The following EPM2A variants were observed in gnomAD, a reference collection of about 807,000 sequenced individuals.
EPM2A encodes the protein EPM2A glucan phosphatase, laforin, also known as laforin.
Under a neutral mutation model 26.5 loss-of-function variants are expected in EPM2A, and 21 were observed. The observed-to-expected ratio is 0.79, with a 90% CI of 0.56 to 1.14. The LOEUF is 1.14. EPM2A is among the 50% of genes most tolerant of loss of function. The probability of loss-of-function intolerance (pLI) is 0.00; values close to 1 mark genes in which losing one functional copy is unlikely to be tolerated. For synonymous variants in EPM2A, 217 were observed against 177.6 expected (o/e 1.22, Z -1.76); for missense variants, 458 against 440.8 (o/e 1.04, Z -0.35).
At chr6:145,601,131 A>G (rs1381089429) in intron 2 of EPM2A, among the ~76,000 whole-genome samples, 1 of 152,180 alleles carries the variant, frequency 6.6e-6, no homozygotes, top group African/African-American at 2.4e-5. Flanking sequence ...CTCTGTTATT[A>G]TTAACACTTA....
chr6:145,495,855 G>A (rs57996633), intron 4 of EPM2A, among the ~76,000 whole-genome samples: 12,140 of 152,228 alleles, frequency 0.08, 574 homozygotes, highest in East Asian at 0.17. Flanking sequence ...GATTACAGGC[G>A]TGAGCCACTG....
chr6:145,541,185 G>C (rs1437634366), intron 2 of EPM2A, among the ~76,000 whole-genome samples: 3 of 63,648 alleles, frequency 4.7e-5, no homozygotes, highest in African/African-American at 1.4e-4. Flanking sequence ...ATCTGTGTGT[G>C]TGTGTGTGTG....
At chr6:145,491,362 T>G (rs890471091) in intron 4 of EPM2A, among the ~76,000 whole-genome samples, 1 of 152,104 alleles carries the variant, frequency 6.6e-6, no homozygotes, top group Non-Finnish European at 1.5e-5. Context: ...CAAGTGCTTT[T>G]GGGTGCTGGC....
At chr6:145,501,212 T>C (rs1283705515), downstream of EPM2A, among the ~76,000 whole-genome samples, 1 of 152,066 alleles carries the variant, frequency 6.6e-6, no homozygotes, top group African/African-American at 2.4e-5. Context: ...ATAACAATAA[T>C]CACAAAAATC....
At chr6:145,611,212 G>C (rs1775385712) in intron 2 of EPM2A, among the ~76,000 whole-genome samples, 1 of 152,170 alleles carries the variant, frequency 6.6e-6, no homozygotes, top group African/African-American at 2.4e-5. Context: ...ATTAAACTAA[G>C]ATGTTTGCTT....
chr6:145,484,319 T>G (rs1189899512), intron 4 of EPM2A, among the ~76,000 whole-genome samples: 1 of 151,842 alleles, frequency 6.6e-6, no homozygotes, highest in Non-Finnish European at 1.5e-5. Flanking sequence ...CATGATTTTC[T>G]GTTTTTTTTT....
At chr6:145,435,574 T>A (rs1200368017) in intron 4 of EPM2A, among the ~76,000 whole-genome samples, 2 of 150,542 alleles carry the variant, frequency 1.3e-5, no homozygotes, top group East Asian at 3.9e-4. Context: ...TTATTCTGAT[T>A]TTTTTTAATT....
chr6:145,632,598 C>T (rs902745719), intron 3 of EPM2A, among the ~76,000 whole-genome samples: 7 of 152,104 alleles, frequency 4.6e-5, no homozygotes, highest in African/African-American at 1.7e-4. Context: ...GAGTAAGGAT[C>T]GATCACACGA....
intron 2 of EPM2A, among the ~76,000 whole-genome samples, chr6:145,543,934 T>A (rs1186307282): frequency 6.6e-6 from 1 of 152,222 alleles, no homozygotes; most frequent in Non-Finnish European, 1.5e-5. Context: ...GGATGTTGTA[T>A]TTCTCAACTT....
intron 4 of EPM2A, among the ~76,000 whole-genome samples, chr6:145,447,415 T>A (rs964455032): frequency 6.6e-6 from 1 of 152,132 alleles, no homozygotes; most frequent in Non-Finnish European, 1.5e-5. Flanking sequence ...CTACCCTAGA[T>A]TTGGAGTTTC....
At chr6:145,603,838 C>G (rs1316230751) in intron 2 of EPM2A, among the ~76,000 whole-genome samples, 1 of 152,146 alleles carries the variant, frequency 6.6e-6, no homozygotes. Flanking sequence ...CCATGAATCC[C>G]AAATGGCTTA....
intron 1 of EPM2A, among the ~76,000 whole-genome samples, chr6:145,694,836 G>A (rs1245844955): frequency 6.6e-6 from 1 of 151,944 alleles, no homozygotes. Context: ...CAGATTTCTA[G>A]AGTGGAAGGA....
intron 4 of EPM2A, among the ~76,000 whole-genome samples, chr6:145,429,202 A>G (rs1778890450): frequency 6.6e-6 from 1 of 152,122 alleles, no homozygotes; most frequent in Admixed American, 6.5e-5. Flanking sequence ...CTCTGTTTCC[A>G]TTTCCTAGAA....
At chr6:145,729,930 TG>T (rs1776399829) in intron 1 of EPM2A, among the ~76,000 whole-genome samples, 1 of 152,162 alleles carries the variant, frequency 6.6e-6, no homozygotes. Flanking sequence ...GATTAAATCA[TG>T]GGGGTGGACT....
chr6:145,407,992 A>T (rs1433896727), intron 4 of EPM2A, among the ~76,000 whole-genome samples: 2 of 152,196 alleles, frequency 1.3e-5, no homozygotes, highest in East Asian at 3.9e-4. Context: ...TGGAACTTAA[A>T]GCAATTTTTC....
At chr6:145,719,065 G>A (rs1211033200) in intron 1 of EPM2A, among the ~76,000 whole-genome samples, 11 of 152,256 alleles carry the variant, frequency 7.2e-5, no homozygotes, top group South Asian at 4.2e-4. Flanking sequence ...TCAGTGTGGC[G>A]ATTCCTCACG....
chr6:145,515,747 C>T (rs1780117637), intron 2 of EPM2A, among the ~76,000 whole-genome samples: 1 of 152,154 alleles, frequency 6.6e-6, no homozygotes, highest in Non-Finnish European at 1.5e-5. Flanking sequence ...CAGTAAGGCA[C>T]CACAATTTAT....
At chr6:145,710,727 T>C (rs1414759234) in intron 1 of EPM2A, among the ~76,000 whole-genome samples, 1 of 151,984 alleles carries the variant, frequency 6.6e-6, no homozygotes, top group Non-Finnish European at 1.5e-5. Flanking sequence ...AACACAAATG[T>C]CCAACAATGG....
At chr6:145,550,361 A>T (rs993084157) in intron 2 of EPM2A, among the ~76,000 whole-genome samples, 2 of 151,998 alleles carry the variant, frequency 1.3e-5, no homozygotes, top group African/African-American at 4.8e-5. Flanking sequence ...CCTCTCTCCT[A>T]TGAAAAGGGG....
Sources: gnomAD v4.1 joint callset for allele counts (sites outside exome capture counted in the v4.1 genomes callset) on GRCh38, gnomAD v4.1.1 for gene constraint, MANE v1.5 for transcripts, NCBI Gene and HGNC (gene_info 2026-07-23, HGNC 2026-07-21) for gene names.